The following TMPRSS15 variants were observed in gnomAD, a reference collection of about 807,000 sequenced individuals.
The protein encoded by TMPRSS15 is transmembrane serine protease 15.
Under a neutral mutation model 125.3 loss-of-function variants are expected in TMPRSS15, and 128 were observed. The ratio of observed to expected loss-of-function variants is 1.02; its 90% CI spans 0.89 to 1.18. The LOEUF (loss-of-function observed/expected upper bound fraction) is 1.18, where lower values mean the gene tolerates loss of function less well. Among genes scored for constraint, TMPRSS15 ranks in the 50% most tolerant of loss-of-function variants. The pLI, the probability that TMPRSS15 is intolerant of heterozygous loss-of-function variation, is 0.00. For synonymous variants in TMPRSS15, 446 were observed against 423.2 expected, an observed-to-expected ratio of 1.05 and a Z score of -0.66; for missense variants, 1,283 against 1,212.7, an observed-to-expected ratio of 1.06 and a Z score of -0.86.
At chr21:18,439,202 C>T (rs534782779) in intron 1 of TMPRSS15, among the ~76,000 whole-genome samples, 1 of 152,186 alleles carries the variant, frequency 6.6e-6, no homozygotes, top group East Asian at 1.9e-4. Context: ...TGTTATAATG[C>T]TTTGCATTGA....
intron 1 of TMPRSS15, among the ~76,000 whole-genome samples, chr21:18,423,711 C>G (rs961767113): frequency 1.3e-5 from 2 of 151,966 alleles, no homozygotes; most frequent in African/African-American, 4.8e-5. Flanking sequence ...CCACCGCGCC[C>G]GGCCTAAAAT....
At chr21:18,421,422 C>A (rs574492495) in intron 1 of TMPRSS15, among the ~76,000 whole-genome samples, 1 of 152,202 alleles carries the variant, frequency 6.6e-6, no homozygotes, top group Admixed American at 6.5e-5. Context: ...ATTTTATTTT[C>A]TCATCAACAT....
intron 5 of TMPRSS15, among the ~76,000 whole-genome samples, chr21:18,373,705 T>A (rs957967862): frequency 1.3e-5 from 2 of 152,208 alleles, no homozygotes; most frequent in Non-Finnish European, 2.9e-5. Context: ...GGAACATATA[T>A]CACTTTGGCT....
At chr21:18,272,001 T>C (rs1476627752) in intron 24 of TMPRSS15, among the ~76,000 whole-genome samples, 2 of 152,200 alleles carry the variant, frequency 1.3e-5, no homozygotes, top group Non-Finnish European at 2.9e-5. Flanking sequence ...TTTGGGTTGG[T>C]TCCAAGTCTT....
At chr21:18,444,905 T>G (rs1380399975) in intron 1 of TMPRSS15, among the ~76,000 whole-genome samples, 1 of 152,118 alleles carries the variant, frequency 6.6e-6, no homozygotes, top group African/African-American at 2.4e-5. Flanking sequence ...TCTCCCTCCA[T>G]GAGATAAACT....
intron 1 of TMPRSS15, among the ~76,000 whole-genome samples, chr21:18,426,642 G>GACT (rs752499973): frequency 5.3e-5 from 8 of 152,110 alleles, no homozygotes; most frequent in Non-Finnish European, 1.0e-4. Flanking sequence ...GTTAATAGAG[G>GACT]ACTTTAGTAA....
intron 10 of TMPRSS15, among the ~76,000 whole-genome samples, chr21:18,345,672 T>C (rs13050218): frequency 0.13 from 16,146 of 126,806 alleles, 1,205 homozygotes; most frequent in Non-Finnish European, 0.17. Context: ...ACCCGGGAGG[T>C]GGAGCTTGCA....
intron 23 of TMPRSS15, among the ~76,000 whole-genome samples, chr21:18,278,436 T>C (rs1453029301): frequency 6.6e-6 from 1 of 152,006 alleles, no homozygotes; most frequent in Admixed American, 6.6e-5. Flanking sequence ...TACAAATATA[T>C]AGGCTGGGCG....
chr21:18,331,449 C>A (rs2075344651), intron 14 of TMPRSS15, among the ~76,000 whole-genome samples: 1 of 152,150 alleles, frequency 6.6e-6, no homozygotes, highest in Non-Finnish European at 1.5e-5. Flanking sequence ...CTTTATGTAT[C>A]TTTATATGAG....
chr21:18,416,085 G>T (rs4816768), intron 1 of TMPRSS15, among the ~76,000 whole-genome samples: 2 of 151,636 alleles, frequency 1.3e-5, no homozygotes, highest in South Asian at 2.1e-4. Flanking sequence ...AGAAATAAGC[G>T]TGGGGGTGAA....
chr21:18,358,588 G>T (rs2075648380), intron 8 of TMPRSS15, among the ~76,000 whole-genome samples: 1 of 151,700 alleles, frequency 6.6e-6, no homozygotes, highest in Non-Finnish European at 1.5e-5. Context: ...TACTCATTAT[G>T]ATATTTTTAC....
At chr21:18,320,108 T>C (rs968088842) in intron 16 of TMPRSS15, among the ~76,000 whole-genome samples, 1 of 152,196 alleles carries the variant, frequency 6.6e-6, no homozygotes, top group African/African-American at 2.4e-5. Context: ...TGGGCAGAGA[T>C]AATTACAGAT....
intron 10 of TMPRSS15, among the ~76,000 whole-genome samples, chr21:18,352,324 G>A (rs1334762099): frequency 6.6e-6 from 1 of 151,894 alleles, no homozygotes; most frequent in African/African-American, 2.4e-5. Context: ...TCACAACCTT[G>A]CCCTATTAGC....
chr21:18,363,439 A>G (rs761292727), intron 7 of TMPRSS15, among the ~76,000 whole-genome samples: 4 of 152,056 alleles, frequency 2.6e-5, no homozygotes, highest in African/African-American at 7.2e-5. Flanking sequence ...CTGCTCATAA[A>G]CCCTCTAAAT....
intron 24 of TMPRSS15, among the ~76,000 whole-genome samples, chr21:18,271,667 G>A (rs1374068458): frequency 1.3e-5 from 2 of 151,874 alleles, no homozygotes; most frequent in Non-Finnish European, 2.9e-5. Context: ...TGTTACATAG[G>A]TATACGTGTG....
intron 10 of TMPRSS15, among the ~76,000 whole-genome samples, chr21:18,350,637 A>G (rs1006772239): frequency 6.6e-6 from 1 of 152,036 alleles, no homozygotes; most frequent in African/African-American, 2.4e-5. Context: ...CTTACTGCTC[A>G]TCTTCTTCTA....
At chr21:18,290,125 A>T (rs927660206) in intron 21 of TMPRSS15, among the ~76,000 whole-genome samples, 6 of 152,206 alleles carry the variant, frequency 3.9e-5, no homozygotes, top group Non-Finnish European at 8.8e-5. Flanking sequence ...TAATAGGAAC[A>T]ATGTTTTTTG....
intron 1 of TMPRSS15, among the ~76,000 whole-genome samples, chr21:18,462,378 T>C (rs1437669394): frequency 1.3e-5 from 2 of 152,108 alleles, no homozygotes; most frequent in Non-Finnish European, 2.9e-5. Context: ...ATGCTTGGAA[T>C]TGCTGTTTTT....
At chr21:18,278,644 C>T (rs1045265807) in intron 23 of TMPRSS15, among the ~76,000 whole-genome samples, 5 of 152,144 alleles carry the variant, frequency 3.3e-5, no homozygotes, top group African/African-American at 9.7e-5. Flanking sequence ...ATGGCGTGAA[C>T]CCGGGAGGTG....
Sources: allele counts gnomAD v4.1 joint callset (sites outside exome capture counted in the v4.1 genomes callset), GRCh38; gene constraint gnomAD v4.1.1; transcripts MANE v1.5; gene names NCBI Gene and HGNC (gene_info 2026-07-23, HGNC 2026-07-21).